The following ZNF529 variants were observed in gnomAD, a reference collection of about 807,000 sequenced individuals.
ZNF529 encodes the protein zinc finger protein 529.
A neutral mutation model predicts 10.1 loss-of-function variants in ZNF529; 11 were observed. The ratio of observed to expected loss-of-function variants is 1.09; its 90% CI spans 0.69 to 1.81. The LOEUF (loss-of-function observed/expected upper bound fraction) is 1.81. Ranked by LOEUF, ZNF529 falls within the 40% of genes most tolerant of loss-of-function variation. The pLI is 0.00. For missense variants in ZNF529, 624 were observed against 666.8 expected (o/e 0.94, Z 0.71); for synonymous variants, 204 against 215.7 (o/e 0.95, Z 0.47).
intron 1 of ZNF529, among the ~76,000 whole-genome samples, chr19:36,600,277 A>C (rs1161111708): frequency 6.6e-6 from 1 of 152,218 alleles, no homozygotes; most frequent in Non-Finnish European, 1.5e-5. Context: ...TTTCACACTG[A>C]ATAAATACTG....
chr19:36,600,814 C>T (rs1166526982), intron 1 of ZNF529, among the ~76,000 whole-genome samples: 2 of 152,138 alleles, frequency 1.3e-5, no homozygotes, highest in African/African-American at 2.4e-5. Flanking sequence ...ACTTGAACTC[C>T]ACAAATTTTT....
chr19:36,599,023 A>G (rs1568621899), intron 1 of ZNF529, among the ~76,000 whole-genome samples: 1 of 152,254 alleles, frequency 6.6e-6, no homozygotes, highest in Non-Finnish European at 1.5e-5. Context: ...GCTTATAAAC[A>G]TAGCTCAGAG....
intron 2 of ZNF529, among the ~76,000 whole-genome samples, chr19:36,564,742 T>C (rs1342192205): frequency 2.0e-5 from 3 of 152,186 alleles, no homozygotes; most frequent in African/African-American, 7.2e-5. Context: ...AATCCCATTA[T>C]TGGGTACATA....
In ZNF529 at chr19:36,547,747, G is replaced by C. The variant is rs1346645654; in HGVS notation, c.811C>G (p.Pro271Ala). The C allele has an allele frequency of 1.2e-6, 2 of 1,613,352 alleles. No individual in the cohort carries two copies. Among genetic ancestry groups the C allele is most frequent in the Non-Finnish European group, 1.7e-6 (2 of 1,179,702 alleles). ...RTFERVGKVT[P>A]LQRVHDGEKH... is the part of the protein sequence containing the mutation. ...TCACCATCATGAACTCTTTGAAGTG[G>C]AGTAACTTTTCCAACTCTTTCAAAG... Residue 271 changes from proline to alanine, a missense_variant, in exon 5 of 5, where the codon CCA becomes GCA. Transcript: ENST00000591340.
intron 1 of ZNF529, chr19:36,594,431 T>C (rs1047317564): frequency 3.9e-5 from 6 of 152,140 alleles, no homozygotes; most frequent in Non-Finnish European, 7.3e-5. Flanking sequence ...TTCATCCTAA[T>C]CTCTCTCAAG....
At chr19:36,562,754 A>G (rs2035753791) in intron 2 of ZNF529, among the ~76,000 whole-genome samples, 1 of 149,662 alleles carries the variant, frequency 6.7e-6, no homozygotes, top group African/African-American at 2.5e-5. Flanking sequence ...GGAGAATGGC[A>G]GGAACCTGGG....
chr19:36,570,144 T>C (rs999886405), intron 2 of ZNF529, among the ~76,000 whole-genome samples: 104 of 151,982 alleles, frequency 6.8e-4, no homozygotes, highest in African/African-American at 2.4e-3. Flanking sequence ...GTGGATCACT[T>C]AAGCCCAGGA....
chr19:36,570,299 T>C (rs2036052024), intron 2 of ZNF529, among the ~76,000 whole-genome samples: 2 of 139,972 alleles, frequency 1.4e-5, no homozygotes, highest in South Asian at 4.3e-4. Flanking sequence ...AAGTAGAGGC[T>C]GCATTGAGCT....
At chr19:36,586,332 C>T (rs373338577) in intron 2 of ZNF529, among the ~76,000 whole-genome samples, 8 of 152,062 alleles carry the variant, frequency 5.3e-5, no homozygotes, top group East Asian at 1.9e-4. Flanking sequence ...GGTTGCCGGG[C>T]GCGGTGGCTC....
intron 2 of ZNF529, among the ~76,000 whole-genome samples, chr19:36,587,662 T>C (rs144740980): frequency 6.6e-6 from 1 of 152,352 alleles, no homozygotes; most frequent in East Asian, 1.9e-4. Flanking sequence ...TACCACACTT[T>C]AGAATATTAT....
At chr19:36,578,591 C>A (rs1446437141) in intron 2 of ZNF529, among the ~76,000 whole-genome samples, 2 of 151,342 alleles carry the variant, frequency 1.3e-5, no homozygotes, top group Non-Finnish European at 2.9e-5. Flanking sequence ...AGGCATGAGC[C>A]ACTGCACTCC....
At chr19:36,571,199 C>G (rs758076824) in intron 2 of ZNF529, among the ~76,000 whole-genome samples, 1 of 151,996 alleles carries the variant, frequency 6.6e-6, no homozygotes, top group Admixed American at 6.6e-5. Context: ...AATTTAGCAT[C>G]CAAATTGAGA....
intron 2 of ZNF529, among the ~76,000 whole-genome samples, chr19:36,588,960 T>A (rs372518329): frequency 2.1e-4 from 25 of 120,826 alleles, no homozygotes; most frequent in African/African-American, 7.2e-4. Flanking sequence ...TTTTTTTTTT[T>A]AAGACAGGAT....
chr19:36,559,379 G>T (rs1168216655), intron 2 of ZNF529, among the ~76,000 whole-genome samples: 1 of 152,184 alleles, frequency 6.6e-6, no homozygotes, highest in Non-Finnish European at 1.5e-5. Flanking sequence ...CACAATCTCG[G>T]TTCACTGCAA....
chr19:36,547,852 A>G lies in ZNF529; in HGVS notation c.706T>C (p.Cys236Arg). The G allele has an allele frequency of 6.2e-7, 1 of 1,610,912 alleles. No homozygotes were observed. The highest frequency in any genetic ancestry group is 8.5e-7 in the Non-Finnish European group (1 of 1,177,758). Reference sequence around the variant, plus strand: ...ACATTAAAGTCTTTATAAAAACTACATGTATTCCCATATTCCATATATTTA... The same window carrying G: ...ACATTAAAGTCTTTATAAAAACTACGTGTATTCCCATATTCCATATATTTA... Reference protein sequence around the residue: ...PCKYMEYGNTCSFYKDFNVYQ... With the variant: ...PCKYMEYGNTRSFYKDFNVYQ... Residue 236 changes from cysteine to arginine, a missense_variant, in exon 5 of 5, where the codon TGT becomes CGT. By Grantham distance (180) the Cys-to-Arg change is radical (BLOSUM62 -3). Coordinates refer to ENST00000591340, the MANE Select transcript of ZNF529 (RefSeq NM_020951.5).
Position 36,555,347 on chromosome 19 carries a change from G to A in ZNF529, c.109-551C>T, listed in dbSNP as rs1380515633. ...TGTCGCCCAGGCCGGACTGCGGACTGCAGTGGCGCAATCTCGGCTCACTGC... is the reference window on the plus strand; with the variant it reads ...TGTCGCCCAGGCCGGACTGCGGACTACAGTGGCGCAATCTCGGCTCACTGC... On this transcript the variant is annotated intron_variant, in intron 3 of 4. Transcript: ENST00000591340. Among the ~76,000 whole-genome samples, 2 of 25,256 alleles carry A rather than the reference G, an allele frequency of 7.9e-5. 1 individual carries two copies. The highest frequency in any genetic ancestry group is 1.2e-3 in the East Asian group (2 of 1,606). 16.6% of individuals were successfully genotyped at this position (25,256 alleles called of 152,430 possible).
intron 1 of ZNF529, among the ~76,000 whole-genome samples, chr19:36,595,896 G>A (rs947020265): frequency 1.8e-4 from 27 of 151,792 alleles, no homozygotes; most frequent in African/African-American, 5.8e-4. Context: ...GTTGGATACA[G>A]TATTCTATAT....
intron 1 of ZNF529, among the ~76,000 whole-genome samples, chr19:36,593,497 A>C (rs2036772952): frequency 6.6e-6 from 1 of 152,212 alleles, no homozygotes; most frequent in Non-Finnish European, 1.5e-5. Context: ...GAATGAAATC[A>C]GCTTCTTTTA....
At chr19:36,602,338 G>A (rs1022383466) in intron 1 of ZNF529, among the ~76,000 whole-genome samples, 12 of 152,142 alleles carry the variant, frequency 7.9e-5, no homozygotes, top group South Asian at 4.2e-4. Flanking sequence ...GAGCCACCGC[G>A]CCTGGCCACC....
Sources: allele counts gnomAD v4.1 joint callset (sites outside exome capture counted in the v4.1 genomes callset), GRCh38; gene constraint gnomAD v4.1.1; transcripts MANE v1.5; gene names NCBI Gene and HGNC (gene_info 2026-07-23, HGNC 2026-07-21).